Variants in FOXK1 observed in about 807,000 individuals in gnomAD.
FOXK1 encodes forkhead box K1, also known as forkhead box protein K1.
A neutral mutation model predicts 51.9 loss-of-function variants in FOXK1; 19 were observed. That is an observed-to-expected ratio of 0.37 (90% confidence interval 0.26 to 0.54). The LOEUF is 0.54. Ranked by LOEUF, FOXK1 falls within the 20% of genes least tolerant of loss-of-function variation. The probability of loss-of-function intolerance (pLI) is 0.87; values close to 1 mark genes in which losing one functional copy is unlikely to be tolerated. For synonymous variants in FOXK1, 537 were observed against 482.6 expected (o/e 1.11, Z -1.48); for missense variants, 870 against 1,032.7 (o/e 0.84, Z 2.16).
intron 1 of FOXK1, among the ~76,000 whole-genome samples, chr7:4,706,360 C>T (rs1044494408): frequency 2.0e-5 from 3 of 151,328 alleles, no homozygotes; most frequent in African/African-American, 7.4e-5. Context: ...GCTCTGGCAC[C>T]CTAAGTTAGG....
chr7:4,689,175 G>A (rs764913464), intron 1 of FOXK1, among the ~76,000 whole-genome samples: 3 of 151,842 alleles, frequency 2.0e-5, no homozygotes, highest in African/African-American at 4.8e-5. Flanking sequence ...AGGGGGTTTC[G>A]CCGTGTTGCC....
intron 1 of FOXK1, among the ~76,000 whole-genome samples, chr7:4,725,771 G>C (rs1780373578): frequency 6.6e-6 from 1 of 152,242 alleles, no homozygotes; most frequent in African/African-American, 2.4e-5. Context: ...TGCCCTGTAG[G>C]TTTCAGTTCT....
chr7:4,682,711 G>T lies in FOXK1; in HGVS notation c.403G>T (p.Asp135Tyr). The change falls in exon 1 of 9, where the codon GAC (aspartate) becomes TAC (tyrosine). Residue 135 changes from aspartate to tyrosine, a missense_variant. Transcript: ENST00000328914. The surrounding 1 kb of genome is among the most constrained non-coding windows in gnomAD (Gnocchi z 7.6). Reference protein sequence around the residue: ...IGRNSSQGSVDLSMGLSSFIS... With the variant: ...IGRNSSQGSVYLSMGLSSFIS... ...CCGCAACTCGTCGCAGGGCTCGGTG[G>T]ACTTGAGCATGGGCCTGTCCAGCTT... is the stretch of plus-strand genomic sequence containing the variant. The T allele has an allele frequency of 6.2e-7, 1 of 1,603,754 alleles. No homozygotes were observed. Among genetic ancestry groups the T allele is most frequent in the African/African-American group, 1.3e-5 (1 of 74,438 alleles).
chr7:4,736,846 G>A, intron 1 of FOXK1, among the ~76,000 whole-genome samples: 1 of 152,146 alleles, frequency 6.6e-6, no homozygotes, highest in East Asian at 1.9e-4. Flanking sequence ...TTCTCTTTTG[G>A]TGGCGTTCAC....
In FOXK1 at chr7:4,735,982, C is replaced by G. The variant is rs935623372; in HGVS notation, c.561-4856C>G. 2.0e-5 allele frequency among the ~76,000 whole-genome samples: 3 copies of G among 152,120 alleles called. No homozygotes were observed. Among genetic ancestry groups the G allele is most frequent in the Non-Finnish European group, 4.4e-5 (3 of 68,034 alleles). ...CAGCCTGGCCAACATGACCCCGTCTCTACTAAAAATACAAAACTTAGCTGG... is the reference window on the plus strand; with the variant it reads ...CAGCCTGGCCAACATGACCCCGTCTGTACTAAAAATACAAAACTTAGCTGG... On this transcript the variant is annotated intron_variant, in intron 1 of 8. Transcript: ENST00000328914. The surrounding 1 kb of genome is among the most constrained non-coding windows in gnomAD (Gnocchi z 4.7).
intron 1 of FOXK1, among the ~76,000 whole-genome samples, chr7:4,696,303 G>A (rs117273372): frequency 6.6e-6 from 1 of 152,046 alleles, no homozygotes; most frequent in Non-Finnish European, 1.5e-5. Flanking sequence ...GAAATAAATC[G>A]CCGAGGCTCT....
At position 4,731,527 on chromosome 7, in the gene FOXK1, A is replaced by G. The variant is rs1780475968; in HGVS notation, c.561-9311A>G. Reference sequence around the variant, plus strand: ...GTAATCCCAGCACTTTGGGAGGCCAAAGCGGGTGCATCACCTGAGGTCAGG... The same window carrying G: ...GTAATCCCAGCACTTTGGGAGGCCAGAGCGGGTGCATCACCTGAGGTCAGG... On this transcript the variant is annotated intron_variant, in intron 1 of 8. Coordinates refer to ENST00000328914, the MANE Select transcript of FOXK1 (RefSeq NM_001037165.2). This position sits in a 1 kb window ranked among gnomAD's most constrained non-coding sequence, Gnocchi z 5.3. 6.6e-6 allele frequency among the ~76,000 whole-genome samples: 1 copy of G among 152,192 alleles called. No homozygotes were observed. Among genetic ancestry groups the G allele is most frequent in the African/African-American group, 2.4e-5 (1 of 41,460 alleles).
intron 1 of FOXK1, among the ~76,000 whole-genome samples, chr7:4,692,300 A>T (rs1583180921): frequency 6.6e-6 from 1 of 152,296 alleles, no homozygotes; most frequent in East Asian, 1.9e-4. Context: ...CCTCCTGCAG[A>T]TACGTAGTTG....
In FOXK1 at chr7:4,757,204, G is replaced by A. The variant is rs201502577; in HGVS notation, c.1244+17G>A. The A allele has an allele frequency of 5.6e-5, 88 of 1,575,440 alleles. No homozygotes were observed. In the African/African-American group the frequency reaches 6.9e-4, roughly 12 times the overall value. ...GTCCTCAAGGTAAAGTTCTCTGAGCGCCCGTCCTCCAGCTGTTAGGAAAGC... is the reference window on the plus strand; with the variant it reads ...GTCCTCAAGGTAAAGTTCTCTGAGCACCCGTCCTCCAGCTGTTAGGAAAGC... On this transcript the variant is annotated intron_variant, in intron 5 of 8. Transcript: ENST00000328914.
intron 1 of FOXK1, among the ~76,000 whole-genome samples, chr7:4,684,759 C>T (rs1211105184): frequency 6.6e-6 from 1 of 152,288 alleles, no homozygotes; most frequent in East Asian, 1.9e-4. Context: ...GGTTTCCTGC[C>T]CCTGCCGTGG....
intron 7 of FOXK1, chr7:4,760,015 G>GCAA (rs1780910503): frequency 5.6e-6 from 1 of 179,964 alleles, no homozygotes; most frequent in East Asian, 1.6e-4. Flanking sequence ...GGGCGACAGA[G>GCAA]CAAAACCCTG....
In FOXK1 at chr7:4,682,688, G is replaced by T; in HGVS notation, c.380G>T (p.Arg127Leu). 1 of 1,598,656 alleles carries T rather than the reference G, an allele frequency of 6.3e-7. No individual in the cohort carries two copies. ...CGCCAGCCCAGCGTCACCATCGGCC[G>T]CAACTCGTCGCAGGGCTCGGTGGAC... ...LMRQPSVTIG[R>L]NSSQGSVDLS... Residue 127 changes from arginine (R) to leucine (L), a missense_variant, in exon 1 of 9, where the codon CGC becomes CTC. Physicochemically the swap from Arg to Leu is moderately radical, Grantham distance 102. Coordinates refer to ENST00000328914, the MANE Select transcript of FOXK1 (RefSeq NM_001037165.2). The surrounding 1 kb of genome is among the most constrained non-coding windows in gnomAD (Gnocchi z 7.6).
Position 4,769,054 on chromosome 7 carries a change from G to T in FOXK1, c.*6590G>T, listed in dbSNP as rs12671706. The T allele has an allele frequency of 6.6e-6, 1 of 152,136 alleles. No individual in the cohort carries two copies. The highest frequency in any genetic ancestry group is 2.4e-5 in the African/African-American group (1 of 41,418). The allele number at this position is 152,136 out of a possible 1,614,324, so 9.4% of individuals were successfully genotyped here. A position where few individuals can be genotyped will look rare whatever the true frequency, so the allele number is the denominator to read the frequency against. On this transcript the variant is annotated 3_prime_UTR_variant, in exon 9 of 9. Coordinates refer to ENST00000328914, the MANE Select transcript of FOXK1 (RefSeq NM_001037165.2). This position sits in a 1 kb window ranked among gnomAD's most constrained non-coding sequence, Gnocchi z 4.1. ...ATTGGTGAGGCTTTGGAAATTTTTT[G>T]TTTCTTCTACTCATCCTAATGGCTG...
At position 4,743,018 on chromosome 7, in the gene FOXK1, C is replaced by G. The variant is rs1339799194; in HGVS notation, c.746+1995C>G. 6.6e-6 allele frequency among the ~76,000 whole-genome samples: 1 copy of G among 152,212 alleles called. No individual in the cohort carries two copies. The highest frequency in any genetic ancestry group is 6.5e-5 in the Admixed American group (1 of 15,280). On this transcript the variant is annotated intron_variant, in intron 2 of 8. Transcript: ENST00000328914. This position sits in a 1 kb window ranked among gnomAD's most constrained non-coding sequence, Gnocchi z 5.3. ...TCACCTGTGTGACTCTGTGCGGTCA[C>G]TTCAGCCCCCCACCTTCCCGGGCCC...
intron 1 of FOXK1, among the ~76,000 whole-genome samples, chr7:4,706,000 A>ATATG (rs1562373104): frequency 9.5e-6 from 1 of 104,798 alleles, no homozygotes; most frequent in African/African-American, 6.8e-5. Flanking sequence ...ATACGTATAT[A>ATATG]TACGTATATA....
At chr7:4,696,208 C>T (rs1339076938) in intron 1 of FOXK1, among the ~76,000 whole-genome samples, 1 of 150,932 alleles carries the variant, frequency 6.6e-6, no homozygotes, top group African/African-American at 2.5e-5. Context: ...CTTAACTCTC[C>T]TTCTTGAAGC....
Position 4,682,333 on chromosome 7 carries a change from G to C in FOXK1, c.25G>C (p.Gly9Arg). 1 of 993,908 alleles carries C rather than the reference G, an allele frequency of 1.0e-6. No individual in the cohort carries two copies. Among genetic ancestry groups the C allele is most frequent in the Non-Finnish European group, 1.2e-6 (1 of 837,678 alleles). The allele number at this position is 993,908 out of a possible 1,614,324, so 61.6% of individuals were successfully genotyped here. A position where few individuals can be genotyped will look rare whatever the true frequency, so the allele number is the denominator to read the frequency against. The change falls in exon 1 of 9, where the codon GGC (glycine) becomes CGC (arginine). Residue 9 changes from glycine (G) to arginine (R), a missense_variant. Physicochemically the swap from Gly to Arg is moderately radical, Grantham distance 125. Transcript: ENST00000328914. The surrounding 1 kb of genome is among the most constrained non-coding windows in gnomAD (Gnocchi z 7.6). MAEVGEDS[G>R]ARALLALRSA... is the part of the protein sequence containing the mutation. ...CATGGCCGAAGTCGGCGAGGACAGCGGCGCCCGCGCCCTGCTCGCGCTGCG... is the reference window on the plus strand; with the variant it reads ...CATGGCCGAAGTCGGCGAGGACAGCCGCGCCCGCGCCCTGCTCGCGCTGCG...
At position 4,682,706 on chromosome 7, in the gene FOXK1, C is replaced by G. The variant is rs562918545; in HGVS notation, c.398C>G (p.Ser133Trp). 1.2e-6 allele frequency: 2 copies of G among 1,603,066 alleles called. No individual in the cohort carries two copies. Among genetic ancestry groups the G allele is most frequent in the African/African-American group, 2.7e-5 (2 of 74,240 alleles). Residue 133 changes from serine (S) to tryptophan (W), a missense_variant, in exon 1 of 9, where the codon TCG becomes TGG. Ser to Trp is a radical substitution (Grantham distance 177, BLOSUM62 -3). This residue lies in a region of FOXK1 where 399 missense variants were observed against 475.6 expected (regional missense o/e 0.84). Transcript: ENST00000328914. The surrounding 1 kb of genome is among the most constrained non-coding windows in gnomAD (Gnocchi z 7.6). ...VTIGRNSSQG[S>W]VDLSMGLSSF... is the part of the protein sequence containing the mutation. ...ATCGGCCGCAACTCGTCGCAGGGCT[C>G]GGTGGACTTGAGCATGGGCCTGTCC...
At chr7:4,705,998 A>G (rs370908966) in intron 1 of FOXK1, among the ~76,000 whole-genome samples, 1,298 of 104,888 alleles carry the variant, frequency 0.012, 120 homozygotes, top group African/African-American at 0.064. Flanking sequence ...ATATACGTAT[A>G]TATACGTATA....
Sources: allele counts gnomAD v4.1 joint callset (sites outside exome capture counted in the v4.1 genomes callset), GRCh38; gene constraint gnomAD v4.1.1; regional missense constraint gnomAD v4.1.1; non-coding constraint Gnocchi (gnomAD v3.1); transcripts MANE v1.5; gene names NCBI Gene and HGNC (gene_info 2026-07-23, HGNC 2026-07-21).